The following ROBO1 variants were observed in gnomAD, a reference collection of about 807,000 sequenced individuals.
ROBO1 encodes the protein roundabout homolog 1.
In ROBO1, 149 loss-of-function variants were observed where a neutral mutation model predicts 195.9. The ratio of observed to expected loss-of-function variants is 0.76; its 90% confidence interval spans 0.67 to 0.87. The LOEUF (loss-of-function observed/expected upper bound fraction) is 0.87. Among genes scored for constraint, ROBO1 ranks in the 40% least tolerant of loss-of-function variants. The probability of loss-of-function intolerance (pLI) is 0.00; values close to 1 mark genes in which losing one functional copy is unlikely to be tolerated. For missense variants in ROBO1, 1,933 were observed against 2,068.3 expected (o/e 0.93, Z 1.27); for synonymous variants, 816 against 733.2 (o/e 1.11, Z -1.82).
intron 2 of ROBO1, among the ~76,000 whole-genome samples, chr3:79,555,680 G>T (rs565687552): frequency 1.3e-5 from 2 of 152,056 alleles, no homozygotes; most frequent in Admixed American, 1.3e-4. Flanking sequence ...TTTCCTGTGA[G>T]GCTTGGTTAC....
At chr3:79,597,740 CAA>C (rs1282835030) in intron 1 of ROBO1, among the ~76,000 whole-genome samples, 1 of 151,932 alleles carries the variant, frequency 6.6e-6, no homozygotes, top group African/African-American at 2.4e-5. Flanking sequence ...CAACTAGTAA[CAA>C]AAGACTGTTG....
chr3:79,009,636 C>G (rs1296866176), intron 3 of ROBO1, among the ~76,000 whole-genome samples: 1 of 152,162 alleles, frequency 6.6e-6, no homozygotes, highest in Non-Finnish European at 1.5e-5. Flanking sequence ...ATAGCTATCA[C>G]AGACTTACAC....
Position 79,102,231 on chromosome 3 carries a change from G to A in ROBO1, c.172+23225C>T, listed in dbSNP as rs527854832. On this transcript the variant is annotated intron_variant, in intron 3 of 30. Transcript: ENST00000464233. ...TCAGATTCAAAGGATGTATAATTTT[G>A]TACCATAGATAGTATTCTTCTTTTT... Among the ~76,000 whole-genome samples, 6 of 151,720 alleles carry A rather than the reference G, an allele frequency of 4.0e-5. No homozygotes were observed. In the South Asian group the frequency reaches 1.2e-3, roughly 31 times the overall value.
At chr3:79,372,734 A>G (rs1206125935) in intron 2 of ROBO1, among the ~76,000 whole-genome samples, 2 of 152,172 alleles carry the variant, frequency 1.3e-5, no homozygotes, top group Admixed American at 1.3e-4. Context: ...TGGACTCTCC[A>G]GTTTCCAGAA....
chr3:79,566,624 C>T (rs1002463507), intron 2 of ROBO1, among the ~76,000 whole-genome samples: 3 of 152,042 alleles, frequency 2.0e-5, no homozygotes, highest in Non-Finnish European at 4.4e-5. Context: ...CCATTGAGCA[C>T]TTTAAAGGCG....
intron 2 of ROBO1, among the ~76,000 whole-genome samples, chr3:79,269,136 CTAAAT>C (rs1242091921): frequency 1.3e-5 from 2 of 151,566 alleles, no homozygotes. Flanking sequence ...GAATTAACCT[CTAAAT>C]ACATGTGTTT....
Position 78,854,626 on chromosome 3 carries a change from T to C in ROBO1, c.499+83975A>G, listed in dbSNP as rs545307571. Among the ~76,000 whole-genome samples, 33 of 151,654 alleles carry C rather than the reference T, an allele frequency of 2.2e-4. No individual in the cohort carries two copies. In the South Asian group the frequency reaches 6.9e-3, roughly 32 times the overall value. On this transcript the variant is annotated intron_variant, in intron 4 of 30. Coordinates refer to ENST00000464233, the MANE Select transcript of ROBO1 (RefSeq NM_002941.4). The stretch of plus-strand genomic sequence containing the variant: ...ATGATTTTCTTGAAAAAGCATGTAT[T>C]AGTTTTATAATTAGAAACAAGCAAT...
At chr3:79,245,299 G>A (rs2082603783) in intron 2 of ROBO1, among the ~76,000 whole-genome samples, 1 of 152,048 alleles carries the variant, frequency 6.6e-6, no homozygotes, top group South Asian at 2.1e-4. Flanking sequence ...AAACTACTGA[G>A]AGACATCTAC....
In ROBO1 at chr3:78,693,821, G is replaced by A. The variant is rs1353300161; in HGVS notation, c.1046-5049C>T. On this transcript the variant is annotated intron_variant, in intron 8 of 30. Coordinates refer to ENST00000464233, the MANE Select transcript of ROBO1 (RefSeq NM_002941.4). ...GTTCAATTTTTGAAAGGTGTATACTGCCAATAATATTCTATGAAACTGAAA... is the reference window on the plus strand; with the variant it reads ...GTTCAATTTTTGAAAGGTGTATACTACCAATAATATTCTATGAAACTGAAA... 3.9e-5 allele frequency among the ~76,000 whole-genome samples: 6 copies of A among 152,070 alleles called. No homozygotes were observed. The East Asian group carries it at 1.2e-3, about 29-fold the overall frequency.
chr3:79,410,655 A>T (rs1051413839), intron 2 of ROBO1, among the ~76,000 whole-genome samples: 2 of 151,172 alleles, frequency 1.3e-5, no homozygotes, highest in African/African-American at 4.9e-5. Flanking sequence ...GGGTGGAGAG[A>T]GGGAGGGAAA....
Position 79,570,288 on chromosome 3 carries a change from GA to G in ROBO1, c.88+19535del, listed in dbSNP as rs35474151. Among the ~76,000 whole-genome samples the G allele has an allele frequency of 1.4e-3, 203 of 146,388 alleles. 1 individual carries two copies. The highest frequency in any genetic ancestry group is 8.5e-3 in the East Asian group (42 of 4,938). On this transcript the variant is annotated intron_variant, in intron 2 of 30. Coordinates refer to ENST00000464233, the MANE Select transcript of ROBO1 (RefSeq NM_002941.4). ...ACAGATAAGGGATTTGAATTATAAT[GA>G]AAAAAAAAAAACTGTTTTCTAATTG...
At chr3:78,771,523 A>C (rs1310719677) in intron 4 of ROBO1, among the ~76,000 whole-genome samples, 4 of 152,160 alleles carry the variant, frequency 2.6e-5, no homozygotes, top group Admixed American at 2.0e-4. Flanking sequence ...TCTTCAATCA[A>C]TGAGCATGGA....
At chr3:79,411,998 G>C (rs183868718) in intron 2 of ROBO1, among the ~76,000 whole-genome samples, 1 of 152,080 alleles carries the variant, frequency 6.6e-6, no homozygotes, top group African/African-American at 2.4e-5. Flanking sequence ...CTCAGCCATC[G>C]AGAGCAGCAG....
intron 3 of ROBO1, among the ~76,000 whole-genome samples, chr3:79,055,150 T>C (rs756331475): frequency 6.6e-6 from 1 of 152,134 alleles, no homozygotes; most frequent in Non-Finnish European, 1.5e-5. Flanking sequence ...GGAATCACCA[T>C]TCATACTGGT....
chr3:78,792,144 G>T (rs1461245569), intron 4 of ROBO1, among the ~76,000 whole-genome samples: 1 of 152,192 alleles, frequency 6.6e-6, no homozygotes, highest in Non-Finnish European at 1.5e-5. Flanking sequence ...AGGATGGCAT[G>T]AGTCCTGGGA....
intron 2 of ROBO1, among the ~76,000 whole-genome samples, chr3:79,481,868 T>C (rs1388294745): frequency 6.6e-6 from 1 of 152,180 alleles, no homozygotes; most frequent in Non-Finnish European, 1.5e-5. Context: ...GACACTTTGC[T>C]AAATAATAAA....
intron 4 of ROBO1, among the ~76,000 whole-genome samples, chr3:78,791,141 AC>A: frequency 6.6e-6 from 1 of 152,300 alleles, no homozygotes; most frequent in Non-Finnish European, 1.5e-5. Context: ...TGGCAGACAG[AC>A]AACCAGAAGT....
rs970401967 is a variant in ROBO1 at position 78,688,573 on chromosome 3, G to A, written c.1170+75C>T. On this transcript the variant is annotated intron_variant, in intron 9 of 30. Transcript: ENST00000464233. Reference sequence around the variant, plus strand: ...TGACAGCTGCATGACTAAGTAATATGTTGGTTTTTCTTCTCATACATCTTG... The same window carrying A: ...TGACAGCTGCATGACTAAGTAATATATTGGTTTTTCTTCTCATACATCTTG... The A allele has an allele frequency of 4.7e-5, 67 of 1,417,160 alleles. No individual in the cohort carries two copies. The Admixed American group carries it at 6.4e-4, about 14-fold the overall frequency. 87.8% of individuals were successfully genotyped at this position (1,417,160 alleles called of 1,614,324 possible). A position where few individuals can be genotyped will look rare whatever the true frequency, so the allele number is the denominator to read the frequency against.
At chr3:78,774,342 G>A (rs1473329913) in intron 4 of ROBO1, among the ~76,000 whole-genome samples, 4 of 149,938 alleles carry the variant, frequency 2.7e-5, no homozygotes, top group Admixed American at 6.6e-5. Flanking sequence ...ACGGAGTCTC[G>A]CTCTATCGCC....
Sources: allele counts gnomAD v4.1 joint callset (sites outside exome capture counted in the v4.1 genomes callset), GRCh38; gene constraint gnomAD v4.1.1; transcripts MANE v1.5; gene names NCBI Gene and HGNC (gene_info 2026-07-23, HGNC 2026-07-21).